TMTC2: variants seen among roughly 807,000 people sequenced by gnomAD.
TMTC2 encodes transmembrane O-mannosyltransferase targeting cadherins 2, also known as protein O-mannosyl-transferase TMTC2.
In TMTC2, 43 loss-of-function variants were observed where a neutral mutation model predicts 82.4. That is an observed-to-expected ratio of 0.52 (90% CI 0.41 to 0.67). The LOEUF is 0.67. Among genes scored for constraint, TMTC2 ranks in the 30% least tolerant of loss-of-function variants. The pLI is 0.00. For synonymous variants in TMTC2, 408 were observed against 381.9 expected, an observed-to-expected ratio of 1.07 and a Z score of -0.80; for missense variants, 919 against 1,012.4, an observed-to-expected ratio of 0.91 and a Z score of 1.25.
chr12:83,077,948 A>AAT (rs1319815160), intron 11 of TMTC2, among the ~76,000 whole-genome samples: 1 of 148,604 alleles, frequency 6.7e-6, no homozygotes, highest in Non-Finnish European at 1.5e-5. Context: ...GTGGAAGGAA[A>AAT]ATATATTTTT....
chr12:82,810,614 T>C (rs1481653064), intron 1 of TMTC2, among the ~76,000 whole-genome samples: 1 of 152,116 alleles, frequency 6.6e-6, no homozygotes, highest in Non-Finnish European at 1.5e-5. Flanking sequence ...ATTCACTTTA[T>C]GCAGGAAATA....
At chr12:82,978,869 TGG>T (rs1395638056) in intron 7 of TMTC2, among the ~76,000 whole-genome samples, 6 of 151,928 alleles carry the variant, frequency 3.9e-5, no homozygotes, top group Middle Eastern at 6.8e-3. Flanking sequence ...TCTCCAGAGT[TGG>T]GTGCGTATAT....
intron 11 of TMTC2, among the ~76,000 whole-genome samples, chr12:83,108,767 G>T (rs943659548): frequency 6.6e-6 from 1 of 152,076 alleles, no homozygotes; most frequent in Non-Finnish European, 1.5e-5. Context: ...TCTTGGTGAA[G>T]GTCCCCGAAC....
intron 1 of TMTC2, among the ~76,000 whole-genome samples, chr12:82,842,359 A>AT (rs1012753983): frequency 7.9e-5 from 12 of 151,926 alleles, no homozygotes; most frequent in Admixed American, 2.0e-4. Flanking sequence ...AGTGATTCAA[A>AT]TTTTTTTTTC....
At chr12:82,963,817 A>AG (rs1878054491) in intron 4 of TMTC2, among the ~76,000 whole-genome samples, 3 of 83,204 alleles carry the variant, frequency 3.6e-5, no homozygotes, top group Non-Finnish European at 6.8e-5. Flanking sequence ...ATATATATAT[A>AG]TATATATATA....
intron 3 of TMTC2, among the ~76,000 whole-genome samples, chr12:82,930,151 C>G (rs531663312): frequency 6.6e-6 from 1 of 152,162 alleles, no homozygotes; most frequent in African/African-American, 2.4e-5. Flanking sequence ...AGCATGAAGC[C>G]TTTGTAGGTG....
chr12:82,944,579 A>G (rs1280051418), intron 4 of TMTC2, among the ~76,000 whole-genome samples: 1 of 151,242 alleles, frequency 6.6e-6, no homozygotes, highest in Non-Finnish European at 1.5e-5. Flanking sequence ...AAAAAAAAAA[A>G]AAAGGAAAAG....
chr12:82,833,717 T>C (rs1405755060), intron 1 of TMTC2, among the ~76,000 whole-genome samples: 1 of 152,180 alleles, frequency 6.6e-6, no homozygotes, highest in Non-Finnish European at 1.5e-5. Flanking sequence ...TTTAAGAAAC[T>C]ATAATGCTGA....
chr12:82,772,806 T>G (rs556471562), intron 1 of TMTC2, among the ~76,000 whole-genome samples: 2 of 152,334 alleles, frequency 1.3e-5, no homozygotes, highest in African/African-American at 4.8e-5. Flanking sequence ...CTATTTAAAT[T>G]CTACGTTGGG....
chr12:82,765,714 CA>C (rs199754664), intron 1 of TMTC2, among the ~76,000 whole-genome samples: 47 of 137,850 alleles, frequency 3.4e-4, no homozygotes, highest in Admixed American at 1.2e-3. Context: ...AACAAACAAA[CA>C]AAAAAAAACA....
intron 11 of TMTC2, among the ~76,000 whole-genome samples, chr12:83,083,321 T>A (rs1883536468): frequency 6.6e-6 from 1 of 152,220 alleles, no homozygotes; most frequent in Admixed American, 6.5e-5. Flanking sequence ...ACTTGCTTTT[T>A]CTAAAATTGC....
chr12:82,736,779 T>C (rs930667853), intron 1 of TMTC2, among the ~76,000 whole-genome samples: 1 of 152,210 alleles, frequency 6.6e-6, no homozygotes. Context: ...TAATAGTCTT[T>C]ATCTGAGAAC....
chr12:83,025,020 C>T (rs1426482665), intron 8 of TMTC2, among the ~76,000 whole-genome samples: 1 of 151,984 alleles, frequency 6.6e-6, no homozygotes, highest in Admixed American at 6.6e-5. Context: ...GGTGAAACCC[C>T]GTGTCTACTA....
intron 1 of TMTC2, among the ~76,000 whole-genome samples, chr12:82,737,702 C>T (rs1592889236): frequency 6.6e-6 from 1 of 152,146 alleles, no homozygotes; most frequent in Non-Finnish European, 1.5e-5. Flanking sequence ...GCTTTTCCAG[C>T]TACAGGTTTG....
At chr12:82,887,137 T>G (rs1183980280) in intron 2 of TMTC2, among the ~76,000 whole-genome samples, 1 of 152,242 alleles carries the variant, frequency 6.6e-6, no homozygotes, top group East Asian at 1.9e-4. Context: ...TATGCTTAAG[T>G]AATTTATTCT....
At chr12:82,825,487 A>C (rs979907643) in intron 1 of TMTC2, among the ~76,000 whole-genome samples, 2 of 152,148 alleles carry the variant, frequency 1.3e-5, no homozygotes, top group Non-Finnish European at 2.9e-5. Flanking sequence ...TCTCAATTCA[A>C]CCAAGTTTTC....
At chr12:83,081,946 TACTC>T (rs1883487147) in intron 11 of TMTC2, among the ~76,000 whole-genome samples, 1 of 152,108 alleles carries the variant, frequency 6.6e-6, no homozygotes, top group South Asian at 2.1e-4. Context: ...CACACCACTG[TACTC>T]CATCCTGGGC....
chr12:82,749,741 T>TG (rs1474814675), intron 1 of TMTC2, among the ~76,000 whole-genome samples: 2 of 144,874 alleles, frequency 1.4e-5, no homozygotes, highest in Non-Finnish European at 3.0e-5. Flanking sequence ...CTTTCTTTCT[T>TG]TTTTTTTTTT....
chr12:83,039,079 C>T (rs1369720098), intron 9 of TMTC2, among the ~76,000 whole-genome samples: 2 of 151,918 alleles, frequency 1.3e-5, no homozygotes, highest in Non-Finnish European at 2.9e-5. Flanking sequence ...TTATAGGCAC[C>T]CGCCACCATG....
Sources: allele counts gnomAD v4.1 joint callset (sites outside exome capture counted in the v4.1 genomes callset), GRCh38; gene constraint gnomAD v4.1.1; transcripts MANE v1.5; gene names NCBI Gene and HGNC (gene_info 2026-07-23, HGNC 2026-07-21).